ISL1: variants seen among roughly 807,000 people sequenced by gnomAD.
The protein encoded by ISL1 is insulin gene enhancer protein ISL-1.
ISL1 carries 4 observed loss-of-function variants against 35.3 expected under a neutral mutation model. The ratio of observed to expected loss-of-function variants is 0.11; its 90% CI spans 0.06 to 0.26. The LOEUF is 0.26. Ranked by LOEUF, ISL1 falls within the 10% of genes least tolerant of loss-of-function variation. The pLI, the probability that ISL1 is intolerant of heterozygous loss-of-function variation, is 1.00. For synonymous variants in ISL1, 186 were observed against 172.3 expected, an observed-to-expected ratio of 1.08 and a Z score of -0.62; for missense variants, 340 against 472.8, an observed-to-expected ratio of 0.72 and a Z score of 2.60.
At chr5:51,393,402 A>G (rs1217643212) in intron 5 of ISL1, 92 bp from the exon 6 acceptor site, 4 of 803,464 alleles carry the variant, frequency 5.0e-6, no homozygotes, top group Middle Eastern at 2.2e-4. Context: ...CTATCTACAC[A>G]AACATTTCTA....
chr5:51,385,846 G>C (rs532358238), intron 2 of ISL1, among the ~76,000 whole-genome samples: 5 of 152,156 alleles, frequency 3.3e-5, no homozygotes, highest in Admixed American at 3.3e-4. Context: ...TCTGGAGCTT[G>C]AGAACTTTTA....
At chr5:51,391,686 C>G (rs1747519500) in intron 5 of ISL1, among the ~76,000 whole-genome samples, 1 of 151,802 alleles carries the variant, frequency 6.6e-6, no homozygotes, top group African/African-American at 2.4e-5. Context: ...TCAATCAGGC[C>G]TTCTTTGAAG....
At position 51,383,501 on chromosome 5, in the gene ISL1, G is replaced by A. The variant is rs956816329; in HGVS notation, c.-171G>A. 17 of 671,114 alleles carry A rather than the reference G, an allele frequency of 2.5e-5. No homozygotes were observed. In the African/African-American group the frequency reaches 2.9e-4, roughly 11 times the overall value. 41.6% of individuals were successfully genotyped at this position (671,114 alleles called of 1,614,324 possible). A position where few individuals can be genotyped will look rare whatever the true frequency, so the allele number is the denominator to read the frequency against. ...TCCGCCAACTCCGCCGGCTTAAATT[G>A]GACTCCTAGATCCGCGAGGGCGCGG... On this transcript the variant is annotated 5_prime_UTR_variant, in exon 1 of 6. Transcript: ENST00000230658.
intron 1 of ISL1, 71 bp downstream of exon 1, chr5:51,383,770 T>C: frequency 7.4e-7 from 1 of 1,354,220 alleles, no homozygotes; most frequent in Non-Finnish European, 1.1e-6. Context: ...AGGCACAGGC[T>C]GAGGTGCCAA....
chr5:51,390,080 A>C, intron 4 of ISL1, 148 bp downstream of exon 4: 1 of 954,620 alleles, frequency 1.0e-6, no homozygotes, highest in Non-Finnish European at 1.5e-6. Context: ...TTACCCCCCT[A>C]CCCATGCCCC....
chr5:51,386,898 G>A (rs192983327), intron 2 of ISL1, among the ~76,000 whole-genome samples: 3 of 152,284 alleles, frequency 2.0e-5, no homozygotes, highest in African/African-American at 4.8e-5. Flanking sequence ...ACTCTCAGAG[G>A]TTTCATTTTG....
chr5:51,385,713 T>C (rs1747327342), intron 2 of ISL1, among the ~76,000 whole-genome samples: 1 of 152,152 alleles, frequency 6.6e-6, no homozygotes, highest in African/African-American at 2.4e-5. Flanking sequence ...ATTGTATTCA[T>C]TTTATTAACA....
In ISL1 at chr5:51,390,072, AC is replaced by A. The variant is rs1001897096; in HGVS notation, c.765+146del. On this transcript the variant is annotated intron_variant, in intron 4 of 5. Transcript: ENST00000230658. ...TTGGCCGGGGCTGCCCCTCATCCTT[AC>A]CCCCCTACCCATGCCCCGGGGGACA... The A allele has an allele frequency of 4.6e-5, 46 of 999,988 alleles. 1 individual carries two copies. Among genetic ancestry groups the A allele is most frequent in the South Asian group, 1.7e-5 (1 of 60,030 alleles). The allele number at this position is 999,988 out of a possible 1,614,324, so 61.9% of individuals were successfully genotyped here.
Position 51,383,522 on chromosome 5 carries a change from C to A in ISL1, c.-150C>A, listed in dbSNP as rs550386794. On this transcript the variant is annotated 5_prime_UTR_variant, in exon 1 of 6. Transcript: ENST00000230658. ...AATTGGACTCCTAGATCCGCGAGGG[C>A]GCGGCGCAGCCGAGCAGCGGCTCTT... is the stretch of plus-strand genomic sequence containing the variant. 85 of 749,444 alleles carry A rather than the reference C, an allele frequency of 1.1e-4. No homozygotes were observed. The highest frequency in any genetic ancestry group is 2.0e-4 in the Non-Finnish European group (82 of 413,818). 46.4% of individuals were successfully genotyped at this position (749,444 alleles called of 1,614,324 possible).
chr5:51,384,833 T>A (rs1177171485), intron 2 of ISL1, 103 bp downstream of exon 2: 1 of 1,109,666 alleles, frequency 9.0e-7, no homozygotes, highest in Non-Finnish European at 1.4e-6. Context: ...GAAGTTTGCC[T>A]CAGTGTAGTC....
intron 5 of ISL1, 88 bp downstream of exon 5, chr5:51,391,529 G>A: frequency 6.7e-7 from 1 of 1,492,752 alleles, no homozygotes; most frequent in Non-Finnish European, 9.3e-7. Context: ...TCAGTGGGGA[G>A]GGTGCCTTCT....
chr5:51,384,554 T>G lies in ISL1; in HGVS notation c.42T>G (p.Ile14Met). The change falls in exon 2 of 6, where the codon ATT becomes ATG. Residue 14 changes from isoleucine to methionine, a missense_variant. Physicochemically the swap from Ile to Met is conservative, Grantham distance 10. Around this residue, in one of 7 missense-constraint regions of ISL1, gnomAD observed 22 missense variants for 18.4 expected, o/e 1.20. Transcript: ENST00000230658. ...TTTTCATTTCAGAAAAACGTCTGAT[T>G]TCCCTATGTGTTGGTTGCGGCAATC... is the stretch of plus-strand genomic sequence containing the variant. Reference protein sequence around the residue: ...MGDPPKKKRLISLCVGCGNQI... With the variant: ...MGDPPKKKRLMSLCVGCGNQI... 6.2e-7 allele frequency: 1 copy of G among 1,614,160 alleles called. No homozygotes were observed. Among genetic ancestry groups the G allele is most frequent in the Non-Finnish European group, 8.5e-7 (1 of 1,180,008 alleles).
In ISL1 at chr5:51,389,757, G is replaced by A. The variant is rs758076376; in HGVS notation, c.590G>A (p.Arg197Gln). Reference protein sequence around the residue: ...VLNEKQLHTLRTCYAANPRPD... With the variant: ...VLNEKQLHTLQTCYAANPRPD... ...AACGAGAAGCAGCTGCACACCTTGC[G>A]GACCTGCTACGCCGCAAACCCGCGG... Residue 197 changes from arginine to glutamine, a missense_variant, in exon 4 of 6, where the codon CGG becomes CAG. Around this residue, in one of 7 missense-constraint regions of ISL1, gnomAD observed 24 missense variants for 59.7 expected, o/e 0.40. Coordinates refer to ENST00000230658, the MANE Select transcript of ISL1 (RefSeq NM_002202.3). The surrounding 1 kb of genome is among the most constrained non-coding windows in gnomAD (Gnocchi z 5.0). The A allele has an allele frequency of 5.0e-6, 8 of 1,614,076 alleles. No individual in the cohort carries two copies. The highest frequency in any genetic ancestry group is 6.8e-6 in the Non-Finnish European group (8 of 1,180,050).
rs1234775779 is a variant in ISL1, at chr5:51,383,517, G to C, written c.-155G>C. ...GCTTAAATTGGACTCCTAGATCCGC[G>C]AGGGCGCGGCGCAGCCGAGCAGCGG... On this transcript the variant is annotated 5_prime_UTR_variant, in exon 1 of 6. Coordinates refer to ENST00000230658, the MANE Select transcript of ISL1 (RefSeq NM_002202.3). 4.1e-6 allele frequency: 3 copies of C among 738,648 alleles called. No individual in the cohort carries two copies. The highest frequency in any genetic ancestry group is 1.5e-5 in the South Asian group (1 of 67,758). 45.8% of individuals were successfully genotyped at this position (738,648 alleles called of 1,614,324 possible).
At chr5:51,392,738 G>A (rs1485991903) in intron 5 of ISL1, among the ~76,000 whole-genome samples, 1 of 152,218 alleles carries the variant, frequency 6.6e-6, no homozygotes, top group Non-Finnish European at 1.5e-5. Flanking sequence ...TGAAACTTTA[G>A]TGTCAGATGA....
chr5:51,387,353 T>A lies in ISL1; in HGVS notation c.219-137T>A. ...CATTTCTGTCCTTCTGTTTCCAACT[T>A]CTGTTTGGAAATGCTGTTTACTTGG... On this transcript the variant is annotated intron_variant, in intron 2 of 5. Coordinates refer to ENST00000230658, the MANE Select transcript of ISL1 (RefSeq NM_002202.3). This position sits in a 1 kb window ranked among gnomAD's most constrained non-coding sequence, Gnocchi z 4.3. The A allele has an allele frequency of 1.1e-6, 1 of 888,954 alleles. No individual in the cohort carries two copies. The highest frequency in any genetic ancestry group is 1.8e-6 in the Non-Finnish European group (1 of 555,800). 55.1% of individuals were successfully genotyped at this position (888,954 alleles called of 1,614,324 possible).
Position 51,389,088 on chromosome 5 carries a change from C to T in ISL1, c.479-558C>T, listed in dbSNP as rs1747420727. ...GTTCAAGGCGTTCTGGCAGAGTTCT[C>T]GACCTTCCCCTTGCAGAAGTCCCTG... On this transcript the variant is annotated intron_variant, in intron 3 of 5. Coordinates refer to ENST00000230658, the MANE Select transcript of ISL1 (RefSeq NM_002202.3). This position sits in a 1 kb window ranked among gnomAD's most constrained non-coding sequence, Gnocchi z 5.0. Among the ~76,000 whole-genome samples the T allele has an allele frequency of 6.6e-6, 1 of 152,122 alleles. No homozygotes were observed. Among genetic ancestry groups the T allele is most frequent in the Non-Finnish European group, 1.5e-5 (1 of 68,030 alleles).
chr5:51,384,514 T>A, intron 1 of ISL1, 27 bp from the exon 2 acceptor site: 1 of 1,606,448 alleles, frequency 6.2e-7, no homozygotes, highest in Non-Finnish European at 8.5e-7. Context: ...AAACGGTTAG[T>A]CAATCATGTA....
chr5:51,392,865 T>C (rs1747551206), intron 5 of ISL1, among the ~76,000 whole-genome samples: 1 of 152,046 alleles, frequency 6.6e-6, no homozygotes, highest in Non-Finnish European at 1.5e-5. Context: ...GAGTCAGATA[T>C]TAGGGTTAAA....
Sources: allele counts gnomAD v4.1 joint callset (sites outside exome capture counted in the v4.1 genomes callset), GRCh38; gene constraint gnomAD v4.1.1; regional missense constraint gnomAD v4.1.1; non-coding constraint Gnocchi (gnomAD v3.1); transcripts MANE v1.5; gene names NCBI Gene and HGNC (gene_info 2026-07-23, HGNC 2026-07-21).